The following TOX variants were observed in gnomAD, a reference collection of about 807,000 sequenced individuals.
TOX encodes thymocyte selection-associated high mobility group box protein TOX.
Under a neutral mutation model 53.7 loss-of-function variants are expected in TOX, and 11 were observed. The observed-to-expected ratio is 0.20, with a 90% CI of 0.13 to 0.34. The LOEUF (loss-of-function observed/expected upper bound fraction) is 0.34, where lower values mean the gene tolerates loss of function less well. Among genes scored for constraint, TOX ranks in the 10% least tolerant of loss-of-function variants. The pLI is 1.00. For synonymous variants in TOX, 225 were observed against 245.3 expected (o/e 0.92, Z 0.77); for missense variants, 570 against 664.6 (o/e 0.86, Z 1.56).
chr8:58,827,739 G>T (rs1360215702), intron 5 of TOX, among the ~76,000 whole-genome samples: 2 of 152,166 alleles, frequency 1.3e-5, no homozygotes, highest in Non-Finnish European at 2.9e-5. Flanking sequence ...GTATGCTAAA[G>T]GTCACATTGC....
At chr8:58,915,770 T>C (rs1217671916) in intron 3 of TOX, among the ~76,000 whole-genome samples, 1 of 151,704 alleles carries the variant, frequency 6.6e-6, no homozygotes, top group Non-Finnish European at 1.5e-5. Context: ...CGGGAGGACA[T>C]TCAAACCAAA....
intron 1 of TOX, among the ~76,000 whole-genome samples, chr8:58,979,839 G>A (rs955416177): frequency 4.6e-5 from 7 of 152,150 alleles, no homozygotes; most frequent in Non-Finnish European, 1.0e-4. Flanking sequence ...GTAAAATGGG[G>A]AGACAATAGT....
chr8:59,096,847 A>T (rs1324347174), intron 1 of TOX, among the ~76,000 whole-genome samples: 3 of 152,090 alleles, frequency 2.0e-5, no homozygotes, highest in African/African-American at 7.2e-5. Context: ...CCGATTCTGT[A>T]ACCAAATGGT....
At chr8:58,900,005 AT>A (rs1002858443) in intron 3 of TOX, among the ~76,000 whole-genome samples, 44 of 151,976 alleles carry the variant, frequency 2.9e-4, no homozygotes, top group African/African-American at 1.0e-3. Context: ...TAGTGCCAAG[AT>A]TATCATTTCA....
intron 1 of TOX, among the ~76,000 whole-genome samples, chr8:59,063,737 T>A (rs1354460081): frequency 1.3e-5 from 2 of 152,142 alleles, no homozygotes; most frequent in African/African-American, 4.8e-5. Context: ...AGACTTTTAC[T>A]GAGAACATAG....
chr8:59,101,344 A>G (rs1462364784), intron 1 of TOX, among the ~76,000 whole-genome samples: 1 of 152,194 alleles, frequency 6.6e-6, no homozygotes, highest in Non-Finnish European at 1.5e-5. Context: ...TATTTAATGA[A>G]TAAATTAACC....
Position 58,857,523 on chromosome 8 carries a change from A to G in TOX, c.412-5718T>C, listed in dbSNP as rs546893193. Reference sequence around the variant, plus strand: ...AAGGGGTATTATAATGATGAAGAGGAGATTTCAATTTTTCCAATTAATGCA... The same window carrying G: ...AAGGGGTATTATAATGATGAAGAGGGGATTTCAATTTTTCCAATTAATGCA... On this transcript the variant is annotated intron_variant, in intron 3 of 8. Coordinates refer to ENST00000361421, the MANE Select transcript of TOX (RefSeq NM_014729.3). 5.3e-5 allele frequency among the ~76,000 whole-genome samples: 8 copies of G among 152,278 alleles called. No homozygotes were observed. In the East Asian group the frequency reaches 1.5e-3, roughly 29 times the overall value.
intron 1 of TOX, among the ~76,000 whole-genome samples, chr8:59,012,268 A>T (rs541309174): frequency 3.3e-5 from 5 of 152,214 alleles, no homozygotes; most frequent in Non-Finnish European, 4.4e-5. Flanking sequence ...AACCACAGTC[A>T]GATGATATGT....
At chr8:58,880,550 T>G (rs1811366750) in intron 3 of TOX, among the ~76,000 whole-genome samples, 1 of 152,158 alleles carries the variant, frequency 6.6e-6, no homozygotes, top group African/African-American at 2.4e-5. Flanking sequence ...TAGGGGATAC[T>G]GGATAGTTTA....
chr8:58,997,469 C>T (rs1262636339), intron 1 of TOX, among the ~76,000 whole-genome samples: 1 of 152,172 alleles, frequency 6.6e-6, no homozygotes, highest in Non-Finnish European at 1.5e-5. Context: ...TTTTCCTAGG[C>T]CTCAAGGCTT....
At position 58,858,608 on chromosome 8, in the gene TOX, CAGG is replaced by C. The variant is rs533165147; in HGVS notation, c.412-6806_412-6804del. 3.0e-3 allele frequency among the ~76,000 whole-genome samples: 462 copies of C among 152,336 alleles called. 4 individuals carry two copies. Among genetic ancestry groups the C allele is most frequent in the African/African-American group, 0.011 (437 of 41,578 alleles). On this transcript the variant is annotated intron_variant, in intron 3 of 8. Coordinates refer to ENST00000361421, the MANE Select transcript of TOX (RefSeq NM_014729.3). ...GGAAGGCTGCCAGTTGCAGCAGGAG[CAGG>C]AGAACGTGAGGAATCTCTCAAGCCC... is the stretch of plus-strand genomic sequence containing the variant.
At chr8:59,095,172 G>A (rs976123623) in intron 1 of TOX, among the ~76,000 whole-genome samples, 1 of 151,898 alleles carries the variant, frequency 6.6e-6, no homozygotes, top group African/African-American at 2.4e-5. Context: ...TGTAATTGAG[G>A]TCACTTGTTT....
intron 2 of TOX, among the ~76,000 whole-genome samples, chr8:58,956,664 C>T (rs1054288991): frequency 1.3e-5 from 2 of 152,114 alleles, no homozygotes; most frequent in African/African-American, 4.8e-5. Context: ...TACAGTGGTG[C>T]GATCTCAACT....
intron 1 of TOX, among the ~76,000 whole-genome samples, chr8:58,982,458 G>A (rs1813224132): frequency 6.6e-6 from 1 of 152,214 alleles, no homozygotes; most frequent in Non-Finnish European, 1.5e-5. Context: ...AGAATCTCAA[G>A]TTGATTGTGT....
rs75955165 is a variant in TOX, at chr8:58,865,651, C to T, written c.412-13846G>A. On this transcript the variant is annotated intron_variant, in intron 3 of 8. Transcript: ENST00000361421. ...TGCCCTTCTTAAATATATTTTCGGT[C>T]TTTATGTGGTAAAAACAAAAAGAAA... is the stretch of plus-strand genomic sequence containing the variant. Among the ~76,000 whole-genome samples, 1,652 of 151,746 alleles carry T rather than the reference C, an allele frequency of 0.011. 71 individuals are homozygous for T. In the East Asian group the frequency reaches 0.12, roughly 11 times the overall value.
At chr8:59,108,677 C>CACACACAT (rs1804957044) in intron 1 of TOX, among the ~76,000 whole-genome samples, 1 of 150,524 alleles carries the variant, frequency 6.6e-6, no homozygotes, top group Non-Finnish European at 1.5e-5. Flanking sequence ...CACACACACA[C>CACACACAT]ACACACACAT....
chr8:58,826,452 T>C (rs1378773695), intron 6 of TOX, among the ~76,000 whole-genome samples: 1 of 152,218 alleles, frequency 6.6e-6, no homozygotes, highest in East Asian at 1.9e-4. Flanking sequence ...GCTGCTGTAA[T>C]GAGTCTAGAA....
chr8:59,090,422 C>T (rs951054620), intron 1 of TOX, among the ~76,000 whole-genome samples: 2 of 152,142 alleles, frequency 1.3e-5, no homozygotes, highest in South Asian at 2.1e-4. Context: ...GAGGCGGACA[C>T]GGTGTGTGTC....
At chr8:59,024,058 T>C (rs1479888680) in intron 1 of TOX, among the ~76,000 whole-genome samples, 1 of 152,164 alleles carries the variant, frequency 6.6e-6, no homozygotes, top group Non-Finnish European at 1.5e-5. Flanking sequence ...AAGAAATAGC[T>C]GTATATTAAT....
Sources: gnomAD v4.1 joint callset for allele counts (sites outside exome capture counted in the v4.1 genomes callset) on GRCh38, gnomAD v4.1.1 for gene constraint, MANE v1.5 for transcripts, NCBI Gene and HGNC (gene_info 2026-07-23, HGNC 2026-07-21) for gene names.